The following LRRC4C variants were observed in gnomAD, a reference collection of about 807,000 sequenced individuals.
LRRC4C encodes leucine-rich repeat-containing protein 4C.
A neutral mutation model predicts 33.6 loss-of-function variants in LRRC4C; 5 were observed. That is an observed-to-expected ratio of 0.15 (90% CI 0.08 to 0.31). LRRC4C has a LOEUF of 0.31. LRRC4C is among the 10% of genes least tolerant of loss of function. The pLI, the probability that LRRC4C is intolerant of heterozygous loss-of-function variation, is 1.00. For missense variants in LRRC4C, 560 were observed against 796.7 expected (o/e 0.70, Z 3.58); for synonymous variants, 329 against 302.0 (o/e 1.09, Z -0.93).
At chr11:40,852,423 A>C (rs1040382755) in intron 2 of LRRC4C, among the ~76,000 whole-genome samples, 1 of 152,112 alleles carries the variant, frequency 6.6e-6, no homozygotes, top group Non-Finnish European at 1.5e-5. Flanking sequence ...TTCAAAAATA[A>C]AATTTTAGAT....
At chr11:40,655,916 G>A (rs1943081749) in intron 2 of LRRC4C, among the ~76,000 whole-genome samples, 2 of 152,162 alleles carry the variant, frequency 1.3e-5, no homozygotes, top group Non-Finnish European at 2.9e-5. Flanking sequence ...CATGGCAGAA[G>A]GAGGAAGAGA....
chr11:40,914,058 G>A (rs1490324188), intron 2 of LRRC4C, among the ~76,000 whole-genome samples: 1 of 152,038 alleles, frequency 6.6e-6, no homozygotes, highest in Non-Finnish European at 1.5e-5. Context: ...ATAATTAATA[G>A]CTTACCAACC....
chr11:40,827,878 T>C (rs1952234390), intron 2 of LRRC4C, among the ~76,000 whole-genome samples: 2 of 151,750 alleles, frequency 1.3e-5, no homozygotes, highest in African/African-American at 4.8e-5. Context: ...ATGTAAGATA[T>C]ATCACCTCAC....
At chr11:41,215,168 G>C (rs1947001617) in intron 1 of LRRC4C, among the ~76,000 whole-genome samples, 2 of 151,084 alleles carry the variant, frequency 1.3e-5, no homozygotes. Flanking sequence ...TCTAATTTTA[G>C]AACATACTAT....
intron 1 of LRRC4C, among the ~76,000 whole-genome samples, chr11:41,078,785 T>G (rs140801743): frequency 8.5e-5 from 13 of 152,298 alleles, no homozygotes; most frequent in African/African-American, 3.1e-4. Flanking sequence ...AAAAGGCTTT[T>G]TTTCCCCTTC....
intron 1 of LRRC4C, among the ~76,000 whole-genome samples, chr11:41,093,151 C>T (rs1367933120): frequency 6.6e-6 from 1 of 152,168 alleles, no homozygotes. Context: ...CACAAAACTA[C>T]TTTAACTCAA....
intron 2 of LRRC4C, among the ~76,000 whole-genome samples, chr11:40,873,114 A>T (rs1256923437): frequency 6.6e-6 from 1 of 152,198 alleles, no homozygotes; most frequent in Non-Finnish European, 1.5e-5. Flanking sequence ...ACAATTAGAA[A>T]GACCTGGGTT....
chr11:40,173,506 C>T (rs898473524), intron 5 of LRRC4C, among the ~76,000 whole-genome samples: 1 of 152,154 alleles, frequency 6.6e-6, no homozygotes, highest in African/African-American at 2.4e-5. Context: ...ACACAAATAC[C>T]TCCAACTATT....
intron 1 of LRRC4C, among the ~76,000 whole-genome samples, chr11:41,195,412 C>A (rs972067624): frequency 6.6e-6 from 1 of 151,984 alleles, no homozygotes; most frequent in African/African-American, 2.4e-5. Flanking sequence ...TAACAGTGCA[C>A]AAAATGTCAA....
At chr11:41,291,339 C>G (rs746111784) in intron 1 of LRRC4C, among the ~76,000 whole-genome samples, 5 of 152,134 alleles carry the variant, frequency 3.3e-5, no homozygotes, top group Non-Finnish European at 5.9e-5. Flanking sequence ...AGCAAACACA[C>G]TACAAATACA....
chr11:40,351,045 C>G (rs1294603225), intron 3 of LRRC4C, among the ~76,000 whole-genome samples: 1 of 151,500 alleles, frequency 6.6e-6, no homozygotes, highest in Non-Finnish European at 1.5e-5. Flanking sequence ...GATACTTTTA[C>G]TTCTTTCATT....
chr11:41,330,916 T>A (rs927863273), intron 1 of LRRC4C, among the ~76,000 whole-genome samples: 2 of 152,170 alleles, frequency 1.3e-5, no homozygotes, highest in African/African-American at 2.4e-5. Flanking sequence ...TGTATATGTG[T>A]CTTATATGTC....
At chr11:41,408,963 G>C (rs544863033) in intron 1 of LRRC4C, among the ~76,000 whole-genome samples, 2 of 152,024 alleles carry the variant, frequency 1.3e-5, no homozygotes, top group Non-Finnish European at 2.9e-5. Flanking sequence ...GCTTTCTGTC[G>C]GGCAACCTGA....
At chr11:41,423,511 C>T (rs1278921187) in intron 1 of LRRC4C, among the ~76,000 whole-genome samples, 1 of 151,978 alleles carries the variant, frequency 6.6e-6, no homozygotes, top group African/African-American at 2.4e-5. Flanking sequence ...GATGGGGTGT[C>T]ATTTAATGGT....
intron 3 of LRRC4C, among the ~76,000 whole-genome samples, chr11:40,371,291 C>T (rs1455320463): frequency 6.6e-6 from 1 of 152,004 alleles, no homozygotes; most frequent in Non-Finnish European, 1.5e-5. Context: ...TCAAGTTTTT[C>T]CAGCTGGGTA....
intron 3 of LRRC4C, among the ~76,000 whole-genome samples, chr11:40,373,611 C>G (rs1462273464): frequency 6.6e-6 from 1 of 152,026 alleles, no homozygotes; most frequent in East Asian, 1.9e-4. Flanking sequence ...ATGTAACTCC[C>G]CATGTTGGAA....
At chr11:40,248,728 A>G (rs1452467) in intron 4 of LRRC4C, among the ~76,000 whole-genome samples, 113,843 of 151,690 alleles carry the variant, frequency 0.75, 46,422 homozygotes, top group East Asian at 0.96. Context: ...TAGCACCTCC[A>G]CTTCAATTGT....
At chr11:40,834,029 C>A (rs1952542110) in intron 2 of LRRC4C, among the ~76,000 whole-genome samples, 1 of 152,026 alleles carries the variant, frequency 6.6e-6, no homozygotes, top group Non-Finnish European at 1.5e-5. Context: ...ACACACCAAA[C>A]CTGTGTGTTT....
intron 3 of LRRC4C, among the ~76,000 whole-genome samples, chr11:40,469,372 G>C (rs1338702928): frequency 6.6e-6 from 1 of 152,148 alleles, no homozygotes; most frequent in African/African-American, 2.4e-5. Context: ...TTTTCCCGTG[G>C]TCTTCGCAAC....
Sources: gnomAD v4.1 joint callset for allele counts (sites outside exome capture counted in the v4.1 genomes callset) on GRCh38, gnomAD v4.1.1 for gene constraint, MANE v1.5 for transcripts, NCBI Gene and HGNC (gene_info 2026-07-23, HGNC 2026-07-21) for gene names.